COL19A1: variants seen among roughly 807,000 people sequenced by gnomAD.
COL19A1 encodes the protein collagen type XIX alpha 1 chain, also known as collagen alpha-1(XIX) chain.
Under a neutral mutation model 190.2 loss-of-function variants are expected in COL19A1, and 159 were observed. The ratio of observed to expected loss-of-function variants is 0.84; its 90% CI spans 0.73 to 0.95. The LOEUF (loss-of-function observed/expected upper bound fraction) is 0.95. Among genes scored for constraint, COL19A1 ranks in the 40% least tolerant of loss-of-function variants. COL19A1 has a pLI of 0.00. For missense variants in COL19A1, 1,418 were observed against 1,431.9 expected, an observed-to-expected ratio of 0.99 and a Z score of 0.16; for synonymous variants, 509 against 458.9, an observed-to-expected ratio of 1.11 and a Z score of -1.39.
intron 49 of COL19A1, among the ~76,000 whole-genome samples, chr6:70,202,691 T>C (rs377558058): frequency 1.8e-4 from 28 of 152,280 alleles, no homozygotes; most frequent in African/African-American, 6.5e-4. Flanking sequence ...ACACAATTCA[T>C]ATTGAAAAAA....
chr6:70,008,842 T>G (rs553027778), intron 11 of COL19A1, among the ~76,000 whole-genome samples: 44 of 151,802 alleles, frequency 2.9e-4, no homozygotes, highest in Non-Finnish European at 6.0e-4. Context: ...ATAGAAACAA[T>G]TATAAACCTT....
chr6:70,201,977 T>C (rs1178259690), intron 49 of COL19A1, among the ~76,000 whole-genome samples: 4 of 152,218 alleles, frequency 2.6e-5, no homozygotes, highest in Non-Finnish European at 5.9e-5. Flanking sequence ...ATGTAACTTA[T>C]AAGCTTTGCT....
intron 48 of COL19A1, among the ~76,000 whole-genome samples, chr6:70,193,575 G>T (rs3806060): frequency 0.056 from 8,522 of 152,234 alleles, 438 homozygotes; most frequent in African/African-American, 0.13. Flanking sequence ...ACCAGAGCCA[G>T]TACTCCCTCA....
chr6:69,983,286 A>G (rs572372298), intron 11 of COL19A1, among the ~76,000 whole-genome samples: 1 of 152,210 alleles, frequency 6.6e-6, no homozygotes, highest in Admixed American at 6.5e-5. Flanking sequence ...TATTTTGAAT[A>G]CTTTTAAATT....
At chr6:70,039,923 C>A (rs1779552827) in intron 14 of COL19A1, among the ~76,000 whole-genome samples, 1 of 99,414 alleles carries the variant, frequency 1.0e-5, no homozygotes, top group Non-Finnish European at 1.9e-5. Flanking sequence ...GCACTATGCC[C>A]AGCTAATTTT....
intron 14 of COL19A1, among the ~76,000 whole-genome samples, chr6:70,036,580 T>C (rs1393590565): frequency 6.6e-6 from 1 of 152,142 alleles, no homozygotes; most frequent in Non-Finnish European, 1.5e-5. Context: ...CAATTTACTA[T>C]TACAGACTTT....
In COL19A1 at chr6:70,071,160, T is replaced by G. The variant is rs933317003; in HGVS notation, c.1224+2684T>G. Reference sequence around the variant, plus strand: ...AATTATGGTGAGTTTCAAACATGGGTGTCACATTTAAACATGCTTTGAAAA... The same window carrying G: ...AATTATGGTGAGTTTCAAACATGGGGGTCACATTTAAACATGCTTTGAAAA... On this transcript the variant is annotated intron_variant, in intron 15 of 50. Transcript: ENST00000620364. 3.3e-5 allele frequency among the ~76,000 whole-genome samples: 5 copies of G among 152,218 alleles called. No homozygotes were observed. In the South Asian group the frequency reaches 6.2e-4, roughly 19 times the overall value.
intron 5 of COL19A1, among the ~76,000 whole-genome samples, chr6:69,928,236 C>T (rs1392034578): frequency 1.3e-5 from 2 of 151,874 alleles, no homozygotes; most frequent in Admixed American, 1.3e-4. Context: ...TAGTGGTAAA[C>T]ATAGTGTTAG....
chr6:70,042,911 C>A (rs936841356), intron 14 of COL19A1, among the ~76,000 whole-genome samples: 4 of 152,194 alleles, frequency 2.6e-5, no homozygotes, highest in Admixed American at 6.5e-5. Context: ...TGCAGCAATT[C>A]AGCCACATCT....
chr6:69,956,324 C>T (rs946109754), intron 9 of COL19A1, among the ~76,000 whole-genome samples: 18 of 151,530 alleles, frequency 1.2e-4, no homozygotes, highest in Non-Finnish European at 2.2e-4. Context: ...ATGCATTAGC[C>T]GCATTAAGGA....
At chr6:70,131,248 G>A in intron 18 of COL19A1, 1 of 229,730 alleles carries the variant, frequency 4.4e-6, no homozygotes, top group South Asian at 5.0e-5. Context: ...GCCTGTGAGT[G>A]CTACTTTCAT....
intron 14 of COL19A1, among the ~76,000 whole-genome samples, chr6:70,043,683 A>G (rs1164420961): frequency 6.6e-6 from 1 of 152,184 alleles, no homozygotes; most frequent in Non-Finnish European, 1.5e-5. Flanking sequence ...TTTTTTTCTA[A>G]GCAGTGGTAT....
At chr6:69,945,046 C>T (rs1773710919) in intron 9 of COL19A1, among the ~76,000 whole-genome samples, 1 of 151,892 alleles carries the variant, frequency 6.6e-6, no homozygotes, top group Admixed American at 6.6e-5. Context: ...TGTTAATACC[C>T]TCACCCATTT....
chr6:70,204,228 T>G (rs1562268881), intron 49 of COL19A1, among the ~76,000 whole-genome samples: 1 of 152,144 alleles, frequency 6.6e-6, no homozygotes, highest in Non-Finnish European at 1.5e-5. Flanking sequence ...CTTCCAAATT[T>G]AAAGACAGGT....
chr6:69,929,745 TA>T (rs11421187), intron 6 of COL19A1, 45 bp downstream of exon 6: 1,158 of 1,439,026 alleles, frequency 8.0e-4, no homozygotes, highest in South Asian at 9.6e-4. Context: ...AATTTCTAAG[TA>T]AAAAAAAAAT....
intron 47 of COL19A1, among the ~76,000 whole-genome samples, chr6:70,189,160 C>G (rs980337025): frequency 6.6e-6 from 1 of 151,920 alleles, no homozygotes; most frequent in Non-Finnish European, 1.5e-5. Flanking sequence ...TATTTTTTGT[C>G]ATTCTAAGTC....
intron 1 of COL19A1, among the ~76,000 whole-genome samples, chr6:69,871,599 G>C (rs566251640): frequency 9.9e-5 from 15 of 151,708 alleles, no homozygotes; most frequent in African/African-American, 3.6e-4. Context: ...CTTTTTTCAT[G>C]GTTCCTTTCC....
At chr6:69,885,962 C>T (rs1203909468) in intron 2 of COL19A1, among the ~76,000 whole-genome samples, 1 of 151,950 alleles carries the variant, frequency 6.6e-6, no homozygotes, top group Non-Finnish European at 1.5e-5. Flanking sequence ...TCTCAGGCTA[C>T]AAAAGTGGAA....
chr6:70,203,775 A>G (rs1251647228), intron 49 of COL19A1, among the ~76,000 whole-genome samples: 2 of 152,018 alleles, frequency 1.3e-5, no homozygotes, highest in Admixed American at 6.5e-5. Context: ...AATGACTAGT[A>G]CCTCTAGATG....
Sources: gnomAD v4.1 joint callset for allele counts (sites outside exome capture counted in the v4.1 genomes callset) on GRCh38, gnomAD v4.1.1 for gene constraint, MANE v1.5 for transcripts, NCBI Gene and HGNC (gene_info 2026-07-23, HGNC 2026-07-21) for gene names.